The following UTRN variants were observed in gnomAD, a reference collection of about 807,000 sequenced individuals.
UTRN encodes the protein utrophin.
Under a neutral mutation model 463.9 loss-of-function variants are expected in UTRN, and 283 were observed. The ratio of observed to expected loss-of-function variants is 0.61; its 90% CI spans 0.55 to 0.67. UTRN has a LOEUF of 0.67. UTRN is among the 30% of genes least tolerant of loss of function. UTRN has a pLI of 0.00. For missense variants in UTRN, 3,922 were observed against 4,084.3 expected, an observed-to-expected ratio of 0.96 and a Z score of 1.08; for synonymous variants, 1,442 against 1,431.5, an observed-to-expected ratio of 1.01 and a Z score of -0.17.
At chr6:144,753,491 C>T (rs140207208) in intron 56 of UTRN, among the ~76,000 whole-genome samples, 6 of 151,806 alleles carry the variant, frequency 4.0e-5, no homozygotes, top group Non-Finnish European at 7.4e-5. Context: ...GTGTGGTGTG[C>T]GTCTGTAGTC....
rs1457967078 is a variant in UTRN, at chr6:144,466,947, C to A, written c.3066+4081C>A. ...ATCTCTTTCCCTGAAAATTTCATTA[C>A]CCTTTAAATCTGATTCCCACTTCCT... is the stretch of plus-strand genomic sequence containing the variant. On this transcript the variant is annotated intron_variant, in intron 23 of 74. Transcript: ENST00000367545. 2.0e-5 allele frequency among the ~76,000 whole-genome samples: 3 copies of A among 152,212 alleles called. No homozygotes were observed. The East Asian group carries it at 5.8e-4, about 29-fold the overall frequency.
chr6:144,838,578 G>C (rs902075674), intron 71 of UTRN, among the ~76,000 whole-genome samples: 1 of 152,120 alleles, frequency 6.6e-6, no homozygotes, highest in African/African-American at 2.4e-5. Context: ...TAAGTGTCAG[G>C]CTGTTCTAAC....
chr6:144,444,394 T>C lies in UTRN; in HGVS notation c.1614+12T>C. 1 of 1,593,294 alleles carries C rather than the reference T, an allele frequency of 6.3e-7. No homozygotes were observed. The highest frequency in any genetic ancestry group is 1.1e-5 in the South Asian group (1 of 87,906). ...TATTGGAAGAACAGGTATGAAACTG[T>C]TTTCCATAAGGGGCAAAATAAATGG... is the stretch of plus-strand genomic sequence containing the variant. On this transcript the variant is annotated intron_variant, in intron 14 of 74. Coordinates refer to ENST00000367545, the MANE Select transcript of UTRN (RefSeq NM_007124.3).
chr6:144,637,728 G>A (rs1777331901), intron 51 of UTRN, among the ~76,000 whole-genome samples: 1 of 151,994 alleles, frequency 6.6e-6, no homozygotes, highest in African/African-American at 2.4e-5. Context: ...TGGACATTGG[G>A]TAATGATGTA....
At chr6:144,370,363 A>C (rs1779875379) in intron 2 of UTRN, among the ~76,000 whole-genome samples, 1 of 152,190 alleles carries the variant, frequency 6.6e-6, no homozygotes, top group African/African-American at 2.4e-5. Flanking sequence ...CCGTTGATTC[A>C]AAGGGTGCAA....
intron 51 of UTRN, among the ~76,000 whole-genome samples, chr6:144,645,414 A>G (rs1019603763): frequency 6.6e-6 from 1 of 152,224 alleles, no homozygotes; most frequent in East Asian, 1.9e-4. Flanking sequence ...CTGGCTTCAA[A>G]GATAACTTCT....
In UTRN at chr6:144,781,967, A is replaced by G. The variant is rs1265059925; in HGVS notation, c.8678A>G (p.His2893Arg). The change falls in exon 61 of 75, where the codon CAC (histidine) becomes CGC (arginine). Residue 2893 changes from histidine (H) to arginine (R), a missense_variant. His to Arg is a conservative substitution (Grantham distance 29). Transcript: ENST00000367545. Reference sequence around the variant, plus strand: ...ACAACAAATGAAATTTTCAAACAGCACAAGTTGAACCAAAATGACCAGCTC... The same window carrying G: ...ACAACAAATGAAATTTTCAAACAGCGCAAGTTGAACCAAAATGACCAGCTC... The part of the protein sequence containing the change: ...LSTTNEIFKQ[H>R]KLNQNDQLLS... The G allele has an allele frequency of 1.9e-6, 3 of 1,614,062 alleles. No homozygotes were observed. The highest frequency in any genetic ancestry group is 4.5e-5 in the East Asian group (2 of 44,832).
intron 51 of UTRN, among the ~76,000 whole-genome samples, chr6:144,579,000 T>C (rs1028093759): frequency 1.3e-5 from 2 of 152,194 alleles, no homozygotes; most frequent in Non-Finnish European, 2.9e-5. Context: ...GAAAAACAGA[T>C]CTTTTTGGAA....
intron 54 of UTRN, among the ~76,000 whole-genome samples, chr6:144,740,933 A>T (rs1003051696): frequency 6.6e-6 from 1 of 152,230 alleles, no homozygotes; most frequent in Non-Finnish European, 1.5e-5. Flanking sequence ...CCTCATAAAA[A>T]GATGGCAATC....
rs1784319741 is a variant in UTRN at position 144,699,246 on chromosome 6, T to A, written c.7653-841T>A. On this transcript the variant is annotated intron_variant, in intron 52 of 74. Coordinates refer to ENST00000367545, the MANE Select transcript of UTRN (RefSeq NM_007124.3). ...TGAGGTCAGGAGTTTCAGACCAGGC[T>A]GAACAACATGGTGAAATCCCGTCTC... Among the ~76,000 whole-genome samples the A allele has an allele frequency of 2.0e-5, 3 of 152,178 alleles. 1 individual carries two copies. The South Asian group carries it at 6.2e-4, about 32-fold the overall frequency.
intron 51 of UTRN, among the ~76,000 whole-genome samples, chr6:144,588,448 T>A (rs371669247): frequency 1.3e-5 from 2 of 152,206 alleles, no homozygotes; most frequent in Non-Finnish European, 2.9e-5. Context: ...ATACATTCTA[T>A]AAGGTAGCAT....
rs571163702 is a variant in UTRN at position 144,617,718 on chromosome 6, G to C, written c.7479+40430G>C. On this transcript the variant is annotated intron_variant, in intron 51 of 74. Coordinates refer to ENST00000367545, the MANE Select transcript of UTRN (RefSeq NM_007124.3). The stretch of plus-strand genomic sequence containing the variant: ...TTTAGGAAGGTGTTCTTTTTTTTCA[G>C]CTCTTCGTAAATGTCCATCAGTCTT... Among the ~76,000 whole-genome samples, 7 of 152,018 alleles carry C rather than the reference G, an allele frequency of 4.6e-5. No homozygotes were observed. The South Asian group carries it at 1.5e-3, about 32-fold the overall frequency.
chr6:144,321,854 C>T (rs1775677393), intron 2 of UTRN, among the ~76,000 whole-genome samples: 1 of 151,874 alleles, frequency 6.6e-6, no homozygotes, highest in African/African-American at 2.4e-5. Flanking sequence ...CAACCTCCGC[C>T]TCGGGTTCAA....
intron 2 of UTRN, among the ~76,000 whole-genome samples, chr6:144,381,098 T>C (rs1780870349): frequency 6.6e-6 from 1 of 152,132 alleles, no homozygotes; most frequent in South Asian, 2.1e-4. Flanking sequence ...TGGGGGTTTG[T>C]TTACGGATTA....
At chr6:144,730,553 T>C (rs1034649860) in intron 54 of UTRN, 67 bp downstream of exon 54, 1 of 1,449,128 alleles carries the variant, frequency 6.9e-7, no homozygotes, top group Non-Finnish European at 9.1e-7. Flanking sequence ...CAAAATCAAG[T>C]AGGAAATTTC....
intron 2 of UTRN, among the ~76,000 whole-genome samples, chr6:144,355,276 C>T (rs543651281): frequency 9.2e-5 from 14 of 152,176 alleles, no homozygotes; most frequent in South Asian, 8.3e-4. Flanking sequence ...GGTCCAATCT[C>T]GGCTCACTGC....
At chr6:144,419,194 C>T (rs920343765) in intron 3 of UTRN, among the ~76,000 whole-genome samples, 2 of 152,232 alleles carry the variant, frequency 1.3e-5, no homozygotes, top group Admixed American at 6.5e-5. Flanking sequence ...GGGACTTTCC[C>T]CTCAAGGGGA....
At chr6:144,830,124 T>C (rs994992481) in intron 69 of UTRN, among the ~76,000 whole-genome samples, 4 of 152,204 alleles carry the variant, frequency 2.6e-5, no homozygotes, top group African/African-American at 9.6e-5. Context: ...CTTACTTCTT[T>C]AAAATGTTTT....
chr6:144,442,873 G>C (rs1409046564), intron 13 of UTRN, among the ~76,000 whole-genome samples: 1 of 152,188 alleles, frequency 6.6e-6, no homozygotes, highest in Non-Finnish European at 1.5e-5. Context: ...AGCACTTGAG[G>C]AGCTTGTTAA....
Sources: gnomAD v4.1 joint callset for allele counts (sites outside exome capture counted in the v4.1 genomes callset) on GRCh38, gnomAD v4.1.1 for gene constraint, MANE v1.5 for transcripts, NCBI Gene and HGNC (gene_info 2026-07-23, HGNC 2026-07-21) for gene names.